Variants in CRPPA observed in about 807,000 individuals in gnomAD.
CRPPA encodes CDP-L-ribitol pyrophosphorylase A.
A neutral mutation model predicts 52.0 loss-of-function variants in CRPPA; 43 were observed. That is an observed-to-expected ratio of 0.83 (90% CI 0.65 to 1.07). The LOEUF (loss-of-function observed/expected upper bound fraction) is 1.07. Among genes scored for constraint, CRPPA ranks in the 50% least tolerant of loss-of-function variants. CRPPA has a pLI of 0.00. For missense variants in CRPPA, 629 were observed against 551.7 expected (o/e 1.14, Z -1.40); for synonymous variants, 250 against 203.5 (o/e 1.23, Z -1.94).
intron 2 of CRPPA, among the ~76,000 whole-genome samples, chr7:16,389,926 A>T (rs868837227): frequency 0.12 from 6,716 of 54,020 alleles, 270 homozygotes; most frequent in Non-Finnish European, 0.15. Context: ...AAAAAAAAAA[A>T]AAATATATAT....
intron 9 of CRPPA, among the ~76,000 whole-genome samples, chr7:16,118,136 C>T (rs1527203): frequency 0.33 from 49,921 of 152,142 alleles, 9,585 homozygotes; most frequent in South Asian, 0.54. Context: ...GTCTCGGCTC[C>T]ATGCCAACCA....
At chr7:16,316,853 C>A (rs1583514103) in intron 3 of CRPPA, among the ~76,000 whole-genome samples, 1 of 151,886 alleles carries the variant, frequency 6.6e-6, no homozygotes, top group Non-Finnish European at 1.5e-5. Context: ...AGTGAGACAC[C>A]ATCTCTAATA....
At chr7:16,372,628 A>C (rs984746677) in intron 3 of CRPPA, among the ~76,000 whole-genome samples, 1 of 152,152 alleles carries the variant, frequency 6.6e-6, no homozygotes, top group African/African-American at 2.4e-5. Flanking sequence ...TAAAACAATA[A>C]CATAATGAAA....
At chr7:16,100,477 T>C (rs3857709) in intron 9 of CRPPA, among the ~76,000 whole-genome samples, 42,680 of 152,194 alleles carry the variant, frequency 0.28, 7,673 homozygotes, top group Admixed American at 0.39. Context: ...GTTAGAATAA[T>C]TGGCTAATTA....
chr7:16,327,599 CAAAAAAAAAAAAAAA>C (rs71007762), intron 3 of CRPPA, among the ~76,000 whole-genome samples: 5 of 70,086 alleles, frequency 7.1e-5, no homozygotes, highest in African/African-American at 1.8e-4. Flanking sequence ...GACTCCGTCT[CAAAAAAAAAAAAAAA>C]AAAAAAAAAA....
At chr7:16,170,763 G>A (rs896792158) in intron 9 of CRPPA, among the ~76,000 whole-genome samples, 2 of 152,184 alleles carry the variant, frequency 1.3e-5, no homozygotes, top group Admixed American at 6.5e-5. Context: ...ATTCAAGCGG[G>A]GTACAGGTGG....
At chr7:16,412,931 CCAGA>C (rs1788106116) in intron 1 of CRPPA, among the ~76,000 whole-genome samples, 1 of 152,106 alleles carries the variant, frequency 6.6e-6, no homozygotes, top group Non-Finnish European at 1.5e-5. Context: ...AATACTCGGC[CCAGA>C]CAGTTTTAAC....
intron 9 of CRPPA, among the ~76,000 whole-genome samples, chr7:16,173,323 C>T (rs1781232203): frequency 1.3e-5 from 2 of 152,084 alleles, no homozygotes; most frequent in African/African-American, 4.8e-5. Flanking sequence ...ATGTTTGAGA[C>T]CTAAACCTAG....
At chr7:16,110,482 G>A (rs774141277) in intron 9 of CRPPA, among the ~76,000 whole-genome samples, 1 of 152,012 alleles carries the variant, frequency 6.6e-6, no homozygotes, top group Non-Finnish European at 1.5e-5. Context: ...CGAGCGAAAA[G>A]AGCCAAGCTG....
At chr7:16,276,514 C>T (rs1296510199) in intron 6 of CRPPA, 1 of 152,102 alleles carries the variant, frequency 6.6e-6, no homozygotes, top group Non-Finnish European at 1.5e-5. Flanking sequence ...TGAAGATACT[C>T]AACAAAAAAT....
At chr7:16,355,599 C>G (rs1273337746) in intron 3 of CRPPA, among the ~76,000 whole-genome samples, 2 of 152,192 alleles carry the variant, frequency 1.3e-5, no homozygotes, top group Non-Finnish European at 1.5e-5. Context: ...TTAGTCCAAA[C>G]TCCTCAGTTA....
chr7:16,382,120 T>C (rs867279115), intron 2 of CRPPA, among the ~76,000 whole-genome samples: 9 of 152,128 alleles, frequency 5.9e-5, no homozygotes, highest in Middle Eastern at 3.2e-3. Context: ...GATTTTGCAG[T>C]GGCTGGTACC....
intron 9 of CRPPA, among the ~76,000 whole-genome samples, chr7:16,105,500 A>G (rs1489818616): frequency 6.6e-6 from 1 of 152,146 alleles, no homozygotes; most frequent in East Asian, 1.9e-4. Flanking sequence ...TTATTATTTC[A>G]TAGAAAACAG....
chr7:16,338,296 T>C (rs1261077331), intron 3 of CRPPA, among the ~76,000 whole-genome samples: 2 of 152,246 alleles, frequency 1.3e-5, no homozygotes, highest in African/African-American at 4.8e-5. Context: ...AAAAGTCATA[T>C]GATCTTGATA....
intron 3 of CRPPA, among the ~76,000 whole-genome samples, chr7:16,344,105 G>A (rs1051458548): frequency 4.6e-5 from 7 of 152,138 alleles, no homozygotes; most frequent in Non-Finnish European, 1.0e-4. Context: ...AAATCCTAGG[G>A]AGAGGAGATC....
chr7:16,368,947 A>C (rs1786678523), intron 3 of CRPPA, among the ~76,000 whole-genome samples: 1 of 152,208 alleles, frequency 6.6e-6, no homozygotes, highest in African/African-American at 2.4e-5. Flanking sequence ...AACTGGCATT[A>C]GTGTTAACAT....
In CRPPA at chr7:16,090,549, CA is replaced by C. The variant is rs56034283; in HGVS notation, c.*1145del. On this transcript the variant is annotated 3_prime_UTR_variant, in exon 10 of 10. Transcript: ENST00000407010. ...CGAAAACCCTTCTCTACTAAAAATACAAAAAAAAAAAAAAAAAAAAAAAATT... is the reference window on the plus strand; with the variant it reads ...CGAAAACCCTTCTCTACTAAAAATACAAAAAAAAAAAAAAAAAAAAAAATT... 0.011 allele frequency: 890 copies of C among 82,198 alleles called. 7 individuals are homozygous for C. The highest frequency in any genetic ancestry group is 0.041 in the African/African-American group (765 of 18,436). The allele number at this position is 82,198 out of a possible 1,614,324, so 5.1% of individuals were successfully genotyped here.
intron 9 of CRPPA, among the ~76,000 whole-genome samples, chr7:16,210,229 T>C (rs561542409): frequency 1.4e-3 from 210 of 152,302 alleles, no homozygotes; most frequent in South Asian, 3.7e-3. Flanking sequence ...ATTCACCCTA[T>C]AAATCCCTTA....
intron 2 of CRPPA, among the ~76,000 whole-genome samples, chr7:16,384,821 G>A (rs1243854321): frequency 2.0e-5 from 3 of 152,136 alleles, no homozygotes; most frequent in Non-Finnish European, 4.4e-5. Context: ...GGGAGGGGAA[G>A]GGCAGGCAAG....
Sources: gnomAD v4.1 joint callset for allele counts (sites outside exome capture counted in the v4.1 genomes callset) on GRCh38, gnomAD v4.1.1 for gene constraint, MANE v1.5 for transcripts, NCBI Gene and HGNC (gene_info 2026-07-23, HGNC 2026-07-21) for gene names.